The following EXPH5 variants were observed in gnomAD, a reference collection of about 807,000 sequenced individuals.
The protein encoded by EXPH5 is exophilin-5.
EXPH5 carries 42 observed loss-of-function variants against 41.1 expected under a neutral mutation model. The ratio of observed to expected loss-of-function variants is 1.02; its 90% CI spans 0.80 to 1.32. The LOEUF is 1.32. EXPH5 is among the 40% of genes most tolerant of loss of function. The probability of loss-of-function intolerance (pLI) is 0.00; values close to 1 mark genes in which losing one functional copy is unlikely to be tolerated. For synonymous variants in EXPH5, 798 were observed against 833.5 expected, an observed-to-expected ratio of 0.96 and a Z score of 0.73; for missense variants, 2,298 against 2,314.5, an observed-to-expected ratio of 0.99 and a Z score of 0.15.
At chr11:108,577,134 C>A (rs1591755950) in intron 1 of EXPH5, among the ~76,000 whole-genome samples, 2 of 152,274 alleles carry the variant, frequency 1.3e-5, no homozygotes, top group South Asian at 4.1e-4. Context: ...TTTCCTTATT[C>A]ATTCATCCAT....
the EXPH5 span, among the ~76,000 whole-genome samples, chr11:108,604,111 G>T: frequency 1.3e-5 from 2 of 151,288 alleles, no homozygotes; most frequent in East Asian, 3.9e-4. Context: ...AGAAAGGGCT[G>T]AATAGGCCGG....
At chr11:108,590,969 T>A (rs1279559338) in intron 1 of EXPH5, among the ~76,000 whole-genome samples, 2 of 152,230 alleles carry the variant, frequency 1.3e-5, no homozygotes, top group Non-Finnish European at 2.9e-5. Context: ...ATAGGGTGCC[T>A]GTATTTCTTC....
At chr11:108,535,347 C>T (rs1011989711) in intron 3 of EXPH5, among the ~76,000 whole-genome samples, 4 of 152,208 alleles carry the variant, frequency 2.6e-5, no homozygotes, top group Admixed American at 6.5e-5. Flanking sequence ...CCACTCCCCT[C>T]GTCTTGTTTC....
intron 1 of EXPH5, among the ~76,000 whole-genome samples, chr11:108,551,617 G>T (rs1057111404): frequency 6.6e-6 from 1 of 151,674 alleles, no homozygotes; most frequent in Non-Finnish European, 1.5e-5. Flanking sequence ...TGACCGTCTT[G>T]TTACACCTCG....
Position 108,512,802 on chromosome 11 carries a change from G to C in EXPH5, c.2705C>G (p.Ser902Cys), listed in dbSNP as rs1187992703. ...NSSLDAPVVP[S>C]TTVFSRRSPS... is the part of the protein sequence containing the mutation. ...ACTTCTCCTGGAGAACACTGTAGTAGATGGAACCACAGGAGCATCAAGGGA... is the reference window on the plus strand; with the variant it reads ...ACTTCTCCTGGAGAACACTGTAGTACATGGAACCACAGGAGCATCAAGGGA... The change falls in exon 6 of 6, where the codon TCT becomes TGT. Residue 902 changes from serine to cysteine, a missense_variant. By Grantham distance (112) the Ser-to-Cys change is moderately radical (BLOSUM62 -1). Transcript: ENST00000265843. The C allele has an allele frequency of 3.1e-6, 5 of 1,614,068 alleles. No homozygotes were observed. In the African/African-American group the frequency reaches 6.7e-5, roughly 22 times the overall value.
chr11:108,567,627 C>T (rs1005524013), intron 1 of EXPH5, among the ~76,000 whole-genome samples: 8 of 152,238 alleles, frequency 5.3e-5, no homozygotes, highest in African/African-American at 1.9e-4. Context: ...ATTTCATAGC[C>T]CATACAAACA....
At chr11:108,567,253 T>C (rs770512478) in intron 1 of EXPH5, among the ~76,000 whole-genome samples, 13 of 152,190 alleles carry the variant, frequency 8.5e-5, no homozygotes, top group Non-Finnish European at 1.6e-4. Context: ...GTTTCCAATA[T>C]TGATATGAAC....
chr11:108,519,411 T>G (rs558899922), intron 4 of EXPH5, among the ~76,000 whole-genome samples: 42 of 152,256 alleles, frequency 2.8e-4, no homozygotes, highest in African/African-American at 1.0e-3. Flanking sequence ...TGTACCTATT[T>G]TTTCAAGACC....
chr11:108,568,178 G>GGT (rs759457373), intron 1 of EXPH5: 5 of 148,258 alleles, frequency 3.4e-5, no homozygotes, highest in South Asian at 4.3e-4. Flanking sequence ...CTTTTTTTGG[G>GGT]AGGGGGGGAG....
chr11:108,535,711 G>A (rs184387853), intron 3 of EXPH5, among the ~76,000 whole-genome samples: 27 of 152,318 alleles, frequency 1.8e-4, no homozygotes, highest in East Asian at 1.7e-3. Context: ...TGTCTGAGCC[G>A]TGTACGACCT....
Position 108,540,691 on chromosome 11 carries a change from G to T in EXPH5, c.280+961C>A, listed in dbSNP as rs574066510. ...AATAGTCCTGTGAAAGCAAGTTTTAGTATCCTTTTAATCTATATAGAAGGC... is the reference window on the plus strand; with the variant it reads ...AATAGTCCTGTGAAAGCAAGTTTTATTATCCTTTTAATCTATATAGAAGGC... On this transcript the variant is annotated intron_variant, in intron 2 of 5. Coordinates refer to ENST00000265843, the MANE Select transcript of EXPH5 (RefSeq NM_015065.3). 2.0e-5 allele frequency among the ~76,000 whole-genome samples: 3 copies of T among 152,190 alleles called. No homozygotes were observed. The East Asian group carries it at 5.8e-4, about 29-fold the overall frequency.
At position 108,514,673 on chromosome 11, in the gene EXPH5, T is replaced by C; in HGVS notation, c.834A>G (p.Gly278=). The part of the protein sequence containing the change: ...NMSIYDILRP[G]TPREGFKTFS... ...AGGTTTTAAAACCTTCCCTAGGAGT[T>C]CCTGGTCTTAGGATGTCATAGATAG... The change falls in exon 6 of 6, where the codon GGA becomes GGG. Residue 278 remains glycine, a synonymous_variant. Coordinates refer to ENST00000265843, the MANE Select transcript of EXPH5 (RefSeq NM_015065.3). The C allele has an allele frequency of 6.2e-7, 1 of 1,604,806 alleles. No individual in the cohort carries two copies. Among genetic ancestry groups the C allele is most frequent in the Non-Finnish European group, 8.5e-7 (1 of 1,176,472 alleles).
the EXPH5 span, among the ~76,000 whole-genome samples, chr11:108,603,170 C>A: frequency 1.3e-5 from 2 of 152,170 alleles, no homozygotes; most frequent in Non-Finnish European, 2.9e-5. Context: ...GTCAATTAAA[C>A]CTCTTTCCTT....
the EXPH5 span, among the ~76,000 whole-genome samples, chr11:108,605,486 G>A: frequency 9.8e-5 from 15 of 152,294 alleles, no homozygotes; most frequent in Middle Eastern, 3.4e-3. Context: ...GTCACCTGTG[G>A]GAGGAGAAGT....
chr11:108,560,266 T>C (rs764620330), intron 1 of EXPH5, among the ~76,000 whole-genome samples: 2 of 152,230 alleles, frequency 1.3e-5, no homozygotes, highest in Non-Finnish European at 2.9e-5. Context: ...AGGAAGCTTG[T>C]TGTTGACATC....
chr11:108,557,039 G>A (rs2093993019), intron 1 of EXPH5, among the ~76,000 whole-genome samples: 2 of 152,154 alleles, frequency 1.3e-5, no homozygotes, highest in South Asian at 4.1e-4. Context: ...CCCTCCATCT[G>A]AAATGCTCTT....
chr11:108,593,791 A>G, upstream of EXPH5: 2 of 1,527,992 alleles, frequency 1.3e-6, no homozygotes, highest in East Asian at 2.4e-5. Context: ...GAGAGAGGGA[A>G]CCAATCCCGT....
chr11:108,541,950 T>C, intron 1 of EXPH5, 138 bp from the exon 2 acceptor site: 4 of 630,200 alleles, frequency 6.3e-6, no homozygotes, highest in Non-Finnish European at 1.0e-5. Flanking sequence ...CAACCTCGTC[T>C]CACTGCAACC....
chr11:108,520,241 A>G (rs2093756667), intron 4 of EXPH5, among the ~76,000 whole-genome samples: 1 of 152,166 alleles, frequency 6.6e-6, no homozygotes, highest in African/African-American at 2.4e-5. Flanking sequence ...TGCTTTCCTT[A>G]TGAGAATCCA....
Sources: gnomAD v4.1 joint callset for allele counts (sites outside exome capture counted in the v4.1 genomes callset) on GRCh38, gnomAD v4.1.1 for gene constraint, MANE v1.5 for transcripts, NCBI Gene and HGNC (gene_info 2026-07-23, HGNC 2026-07-21) for gene names.